The following SP140L variants were observed in gnomAD, a reference collection of about 807,000 sequenced individuals.
The protein encoded by SP140L is SP140 like nuclear body protein, also known as nuclear body protein SP140-like protein.
In SP140L, 64 loss-of-function variants were observed where a neutral mutation model predicts 84.3. The ratio of observed to expected loss-of-function variants is 0.76; its 90% confidence interval spans 0.62 to 0.94. The LOEUF (loss-of-function observed/expected upper bound fraction) is 0.94, where lower values mean the gene tolerates loss of function less well. SP140L is among the 40% of genes least tolerant of loss of function. The probability of loss-of-function intolerance (pLI) is 0.00; values close to 1 mark genes in which losing one functional copy is unlikely to be tolerated. For synonymous variants in SP140L, 242 were observed against 236.9 expected (o/e 1.02, Z -0.20); for missense variants, 628 against 692.5 (o/e 0.91, Z 1.05).
rs548433042 is a variant in SP140L at position 230,403,224 on chromosome 2, A to G, written c.*328A>G. 46 of 207,418 alleles carry G rather than the reference A, an allele frequency of 2.2e-4. No homozygotes were observed. The highest frequency in any genetic ancestry group is 1.4e-3 in the Admixed American group (23 of 16,028). The allele number at this position is 207,418 out of a possible 1,614,324, so 12.8% of individuals were successfully genotyped here. On this transcript the variant is annotated 3_prime_UTR_variant, in exon 19 of 19. Coordinates refer to ENST00000415673, the MANE Select transcript of SP140L (RefSeq NM_138402.6). ...CTTTTTCCTCCGTTTTTTTTTTGAG[A>G]TGGAGTCTCACACAGTCACCCGGGA...
intron 2 of SP140L, among the ~76,000 whole-genome samples, chr2:230,350,617 T>C (rs1349280703): frequency 6.6e-6 from 1 of 152,148 alleles, no homozygotes; most frequent in Non-Finnish European, 1.5e-5. Flanking sequence ...ATACATATTT[T>C]TGGGAGAAGA....
At chr2:230,393,656 T>C (rs538358295) in intron 13 of SP140L, among the ~76,000 whole-genome samples, 195 bp downstream of exon 13, 34 of 152,302 alleles carry the variant, frequency 2.2e-4, no homozygotes, top group Admixed American at 2.1e-3. Context: ...AGCTAGGTCC[T>C]CTTTGGATTA....
intron 4 of SP140L, among the ~76,000 whole-genome samples, chr2:230,361,221 C>A (rs374878847): frequency 6.6e-6 from 1 of 152,114 alleles, no homozygotes; most frequent in Non-Finnish European, 1.5e-5. Flanking sequence ...CACAGTTCTA[C>A]GATTACAAGC....
rs375872496 is a variant in SP140L, at chr2:230,390,010, G to T, written c.951G>T (p.Glu317Asp). Residue 317 changes from glutamate (E) to aspartate (D), a missense_variant, in exon 11 of 19, where the codon GAG becomes GAT. By Grantham distance (45) the Glu-to-Asp change is conservative (BLOSUM62 2). This residue lies in a region of SP140L where 525 missense variants were observed against 518.4 expected (regional missense o/e 1.01). Coordinates refer to ENST00000415673, the MANE Select transcript of SP140L (RefSeq NM_138402.6). Reference protein sequence around the residue: ...CGGVKGILHKEKLEQGTLAKC... With the variant: ...CGGVKGILHKDKLEQGTLAKC... ...GGGTGAAGGGAATTTTACATAAGGA[G>T]AAATTGGAACAAGGTGGGTTTCATA... 43 of 1,613,430 alleles carry T rather than the reference G, an allele frequency of 2.7e-5. No homozygotes were observed. The highest frequency in any genetic ancestry group is 2.7e-5 in the Non-Finnish European group (32 of 1,179,610).
At chr2:230,328,482 C>G (rs933457593) in intron 1 of SP140L, among the ~76,000 whole-genome samples, 1 of 152,156 alleles carries the variant, frequency 6.6e-6, no homozygotes, top group African/African-American at 2.4e-5. Flanking sequence ...GATCTTTTCA[C>G]CTTAATGCAT....
intron 5 of SP140L, among the ~76,000 whole-genome samples, chr2:230,362,056 A>T (rs1404215996): frequency 6.6e-6 from 1 of 152,194 alleles, no homozygotes; most frequent in East Asian, 1.9e-4. Context: ...CATGGTCAAC[A>T]TCAAAGAGGA....
chr2:230,379,380 C>T (rs1236230851), intron 7 of SP140L, among the ~76,000 whole-genome samples: 1 of 151,998 alleles, frequency 6.6e-6, no homozygotes, highest in Non-Finnish European at 1.5e-5. Context: ...GACAAAATTT[C>T]TGTAATCTTA....
chr2:230,363,515 G>GT (rs1471380752), intron 5 of SP140L, among the ~76,000 whole-genome samples: 11 of 75,420 alleles, frequency 1.5e-4, no homozygotes, highest in African/African-American at 6.2e-4. Flanking sequence ...CTGTTTATTT[G>GT]TTTTTGTTTT....
intron 9 of SP140L, among the ~76,000 whole-genome samples, chr2:230,386,466 C>G (rs778717678): frequency 6.6e-6 from 1 of 152,152 alleles, no homozygotes; most frequent in Non-Finnish European, 1.5e-5. Flanking sequence ...CCAACCATAA[C>G]AATTATTTTA....
intron 4 of SP140L, among the ~76,000 whole-genome samples, chr2:230,359,963 T>TATTGGTGCTATACCAAACTAAAGTTTGGA: frequency 7.3e-6 from 1 of 137,688 alleles, no homozygotes; most frequent in African/African-American, 3.1e-5. Context: ...TAAAGTTTGG[T>TATTGGTGCTATACCAAACTAAAGTTTGGA]ATTGGTGCTA....
chr2:230,362,520 T>C, intron 5 of SP140L, among the ~76,000 whole-genome samples: 1 of 150,346 alleles, frequency 6.7e-6, no homozygotes, highest in East Asian at 2.0e-4. Flanking sequence ...ATGTAGGTAT[T>C]GAGAGAGAGA....
intron 13 of SP140L, among the ~76,000 whole-genome samples, chr2:230,396,131 G>A (rs72495177): frequency 0.15 from 23,511 of 152,120 alleles, 2,057 homozygotes; most frequent in South Asian, 0.39. Context: ...AAATATGCCT[G>A]AGGGCCCCTT....
chr2:230,330,682 T>G (rs2059701501), intron 2 of SP140L, among the ~76,000 whole-genome samples: 1 of 152,244 alleles, frequency 6.6e-6, no homozygotes, highest in South Asian at 2.1e-4. Flanking sequence ...GCTAGATTTC[T>G]TCATAGATAT....
intron 2 of SP140L, among the ~76,000 whole-genome samples, chr2:230,331,240 TATA>T (rs1399297805): frequency 2.7e-4 from 41 of 152,364 alleles, no homozygotes; most frequent in African/African-American, 9.4e-4. Context: ...AGTATATTGT[TATA>T]GTTGTTCTAC....
intron 2 of SP140L, among the ~76,000 whole-genome samples, chr2:230,349,477 TGA>T: frequency 1.3e-5 from 2 of 152,344 alleles, no homozygotes; most frequent in South Asian, 4.1e-4. Flanking sequence ...TTAAATATAT[TGA>T]GTCTTCCAAT....
chr2:230,369,285 G>C (rs1258841079), intron 5 of SP140L, among the ~76,000 whole-genome samples: 1 of 152,170 alleles, frequency 6.6e-6, no homozygotes, highest in Non-Finnish European at 1.5e-5. Context: ...ACTTCAGTGA[G>C]CCTGAAGACC....
chr2:230,400,352 C>T, intron 15 of SP140L, 110 bp downstream of exon 15: 1 of 1,102,400 alleles, frequency 9.1e-7, no homozygotes, highest in East Asian at 2.6e-5. Context: ...GGAGCAGGTT[C>T]ATCGGGTACT....
chr2:230,370,919 G>A lies in SP140L; in HGVS notation c.535G>A (p.Glu179Lys), dbSNP rs771516433. 1 of 1,613,694 alleles carries A rather than the reference G, an allele frequency of 6.2e-7. No homozygotes were observed. The highest frequency in any genetic ancestry group is 2.2e-5 in the East Asian group (1 of 44,860). The change falls in exon 6 of 19, where the codon GAA becomes AAA. Residue 179 changes from glutamate to lysine, a missense_variant. By Grantham distance (56) the Glu-to-Lys change is moderately conservative. Around this residue, in one of 4 missense-constraint regions of SP140L, gnomAD observed 525 missense variants for 518.4 expected, o/e 1.01. Coordinates refer to ENST00000415673, the MANE Select transcript of SP140L (RefSeq NM_138402.6). Reference protein sequence around the residue: ...KLSLKQGEVPESPEARKESDQ... With the variant: ...KLSLKQGEVPKSPEARKESDQ... ...CATGTGTTTCTCAGGAGAAGTGCCA[G>A]AAAGCCCGGAAGCAAGGAAGGAAAG... is the stretch of plus-strand genomic sequence containing the variant.
intron 13 of SP140L, among the ~76,000 whole-genome samples, chr2:230,396,520 G>T (rs935017846): frequency 6.6e-6 from 1 of 152,160 alleles, no homozygotes; most frequent in Non-Finnish European, 1.5e-5. Flanking sequence ...GTAGATGACG[G>T]ATTCCAGTTG....
Sources: allele counts gnomAD v4.1 joint callset (sites outside exome capture counted in the v4.1 genomes callset), GRCh38; gene constraint gnomAD v4.1.1; regional missense constraint gnomAD v4.1.1; transcripts MANE v1.5; gene names NCBI Gene and HGNC (gene_info 2026-07-23, HGNC 2026-07-21).